TSGA10: variants seen among roughly 807,000 people sequenced by gnomAD.
TSGA10 encodes the protein testis specific 10, also known as testis-specific gene 10 protein.
Under a neutral mutation model 96.6 loss-of-function variants are expected in TSGA10, and 43 were observed. The observed-to-expected ratio is 0.44, with a 90% CI of 0.35 to 0.57. TSGA10 has a LOEUF of 0.57. Ranked by LOEUF, TSGA10 falls within the 20% of genes least tolerant of loss-of-function variation. The pLI is 0.01. For synonymous variants in TSGA10, 229 were observed against 269.9 expected (o/e 0.85, Z 1.48); for missense variants, 703 against 834.4 (o/e 0.84, Z 1.94).
chr2:99,082,397 T>C (rs868529304), intron 10 of TSGA10, among the ~76,000 whole-genome samples: 18 of 152,242 alleles, frequency 1.2e-4, no homozygotes, highest in African/African-American at 4.3e-4. Context: ...TAAACTAAGG[T>C]ATAAAGTTAA....
At position 99,020,377 on chromosome 2, in the gene TSGA10, T is replaced by C. The variant is rs1286280371; in HGVS notation, c.1720A>G (p.Asn574Asp). Residue 574 changes from asparagine to aspartate, a missense_variant, in exon 18 of 21, where the codon AAT becomes GAT. Asn to Asp is a conservative substitution (Grantham distance 23). This residue lies in a region of TSGA10 where 49 missense variants were observed against 96.4 expected (regional missense o/e 0.51). Transcript: ENST00000393483. Reference protein sequence around the residue: ...MQNLEALLVANRDKEYQSQIA... With the variant: ...MQNLEALLVADRDKEYQSQIA... ...TGAGACTGATATTCTTTGTCTCGAT[T>C]GGCCACCAGCAAAGCTTCTAGATTC... is the stretch of plus-strand genomic sequence containing the variant. 6 of 1,613,954 alleles carry C rather than the reference T, an allele frequency of 3.7e-6. No individual in the cohort carries two copies. The highest frequency in any genetic ancestry group is 3.4e-6 in the Non-Finnish European group (4 of 1,179,894).
intron 4 of TSGA10, chr2:99,117,265 T>C (rs781111243): frequency 6.6e-6 from 1 of 152,210 alleles, no homozygotes; most frequent in Non-Finnish European, 1.5e-5. Context: ...GAGAGAGGAA[T>C]TGGGAAGTGG....
rs756126241 is a variant in TSGA10, at chr2:99,065,061, C to T, written c.1282G>A (p.Glu428Lys). 4 of 1,613,658 alleles carry T rather than the reference C, an allele frequency of 2.5e-6. No individual in the cohort carries two copies. The highest frequency in any genetic ancestry group is 3.4e-6 in the Non-Finnish European group (4 of 1,179,800). ...GCCTCTGATTGACGGGCTTTATTTTCCCAGTTTTCAGCATCTTCATTGGCT... is the reference window on the plus strand; with the variant it reads ...GCCTCTGATTGACGGGCTTTATTTTTCCAGTTTTCAGCATCTTCATTGGCT... The part of the protein sequence containing the change: ...RKANEDAENW[E>K]NKARQSEADN... The change falls in exon 16 of 21, where the codon GAA becomes AAA. Residue 428 changes from glutamate (E) to lysine (K), a missense_variant. Glu to Lys is a moderately conservative substitution (Grantham distance 56). Transcript: ENST00000393483.
rs1398556094 is a variant in TSGA10 at position 98,997,533 on chromosome 2, T to TA, written c.*663dup. 1 of 152,146 alleles carries TA rather than the reference T, an allele frequency of 6.6e-6. No individual in the cohort carries two copies. The highest frequency in any genetic ancestry group is 2.4e-5 in the African/African-American group (1 of 41,444). 9.4% of individuals were successfully genotyped at this position (152,146 alleles called of 1,614,324 possible). A position where few individuals can be genotyped will look rare whatever the true frequency, so the allele number is the denominator to read the frequency against. On this transcript the variant is annotated 3_prime_UTR_variant, in exon 21 of 21. Coordinates refer to ENST00000393483, the MANE Select transcript of TSGA10 (RefSeq NM_025244.4). ...ACTTATTAAAAATAAAGATTTTTAATAAAATCTTACATTCTTGACAGATAT... is the reference window on the plus strand; with the variant it reads ...ACTTATTAAAAATAAAGATTTTTAATAAAAATCTTACATTCTTGACAGATAT...
Position 99,035,288 on chromosome 2 carries a change from T to G in TSGA10, c.1556A>C (p.Asp519Ala), listed in dbSNP as rs1199103424. ...TCGATTAAGAAGTTCTTTGCTTGAGTCAAGTTTAATACAGAGTTCCCTAGT... is the reference window on the plus strand; with the variant it reads ...TCGATTAAGAAGTTCTTTGCTTGAGGCAAGTTTAATACAGAGTTCCCTAGT... ...SSTRELCIKLDSSKELLNRQL... is the reference protein window; with the variant it reads ...SSTRELCIKLASSKELLNRQL... Residue 519 changes from aspartate to alanine, a missense_variant, in exon 17 of 21, where the codon GAC becomes GCC. By Grantham distance (126) the Asp-to-Ala change is moderately radical. Coordinates refer to ENST00000393483, the MANE Select transcript of TSGA10 (RefSeq NM_025244.4). 2.5e-6 allele frequency: 4 copies of G among 1,612,256 alleles called. No individual in the cohort carries two copies. Among genetic ancestry groups the G allele is most frequent in the Non-Finnish European group, 3.4e-6 (4 of 1,179,020 alleles).
intron 16 of TSGA10, among the ~76,000 whole-genome samples, chr2:99,037,540 A>C (rs1198999403): frequency 6.6e-6 from 1 of 152,174 alleles, no homozygotes; most frequent in East Asian, 1.9e-4. Flanking sequence ...ATATTAGAAA[A>C]GAAGGAATAT....
chr2:99,073,928 A>C (rs1258908253), intron 12 of TSGA10, among the ~76,000 whole-genome samples: 1 of 151,718 alleles, frequency 6.6e-6, no homozygotes, highest in Admixed American at 6.6e-5. Context: ...TTCAAATTTT[A>C]AGTAACTAAG....
rs374261798 is a variant in TSGA10, at chr2:99,103,986, C to T, written c.592G>A (p.Ala198Thr). The change falls in exon 10 of 21, where the codon GCA becomes ACA. Residue 198 changes from alanine (A) to threonine (T), a missense_variant. This residue lies in a region of TSGA10 where 585 missense variants were observed against 656.8 expected (regional missense o/e 0.89). Coordinates refer to ENST00000393483, the MANE Select transcript of TSGA10 (RefSeq NM_025244.4). ...DTESELGRQKAENNSLRLLYE... is the reference protein window; with the variant it reads ...DTESELGRQKTENNSLRLLYE... ...GTTTACCTCAAAGAATTATTCTCTG[C>T]TTTTTGTCTGCCAAGTTCACTTTCG... 3.7e-4 allele frequency: 594 copies of T among 1,614,014 alleles called. 4 individuals carry two copies. The South Asian group carries it at 6.3e-3, about 17-fold the overall frequency.
chr2:99,049,024 G>A (rs985973704), intron 16 of TSGA10, among the ~76,000 whole-genome samples: 11 of 152,118 alleles, frequency 7.2e-5, no homozygotes, highest in South Asian at 2.1e-4. Context: ...TCAAATTCAC[G>A]ATGAGATACC....
intron 11 of TSGA10, 40 bp from the exon 12 acceptor site, chr2:99,078,853 A>G (rs769389730): frequency 2.4e-5 from 37 of 1,542,248 alleles, no homozygotes; most frequent in Non-Finnish European, 3.0e-5. Flanking sequence ...TAATCAAAAT[A>G]AAATCTTTTT....
chr2:99,147,577 T>G lies in TSGA10; in HGVS notation c.-621+7116A>C, dbSNP rs985978011. The G allele has an allele frequency of 2.6e-6, 3 of 1,154,198 alleles. No homozygotes were observed. The African/African-American group carries it at 4.5e-5, about 17-fold the overall frequency. The allele number at this position is 1,154,198 out of a possible 1,614,324, so 71.5% of individuals were successfully genotyped here. A position where few individuals can be genotyped will look rare whatever the true frequency, so the allele number is the denominator to read the frequency against. ...TTAGATTGAAGTTTAATGTGCAAAT[T>G]GATAATTATATGTTACCATTCTTTT... On this transcript the variant is annotated intron_variant, in intron 1 of 20. Transcript: ENST00000393483.
chr2:99,034,630 T>C (rs898785032), intron 17 of TSGA10, among the ~76,000 whole-genome samples: 1 of 152,208 alleles, frequency 6.6e-6, no homozygotes, highest in African/African-American at 2.4e-5. Flanking sequence ...CTGAATGGGA[T>C]GCCTCATTCC....
intron 10 of TSGA10, among the ~76,000 whole-genome samples, chr2:99,099,179 G>A (rs965599774): frequency 3.9e-5 from 6 of 152,170 alleles, no homozygotes; most frequent in African/African-American, 1.4e-4. Context: ...GGGGGTAGTG[G>A]CGCGTGCCTG....
chr2:99,134,880 C>G (rs2093257323), intron 1 of TSGA10, among the ~76,000 whole-genome samples: 1 of 152,216 alleles, frequency 6.6e-6, no homozygotes, highest in Non-Finnish European at 1.5e-5. Context: ...TGGAGGTCCA[C>G]TCCAGACCCT....
At chr2:99,020,112 A>G (rs1168551540) in intron 18 of TSGA10, among the ~76,000 whole-genome samples, 168 bp downstream of exon 18, 1 of 152,194 alleles carries the variant, frequency 6.6e-6, no homozygotes, top group Non-Finnish European at 1.5e-5. Flanking sequence ...TTAAATTTAG[A>G]TAAGAAAAAC....
intron 17 of TSGA10, among the ~76,000 whole-genome samples, chr2:99,023,163 T>C (rs948875097): frequency 2.0e-5 from 3 of 151,974 alleles, no homozygotes; most frequent in Non-Finnish European, 4.4e-5. Flanking sequence ...CCACACCTGG[T>C]TAATTTTTGT....
At chr2:99,058,430 C>T (rs551652032) in intron 16 of TSGA10, among the ~76,000 whole-genome samples, 28 of 150,888 alleles carry the variant, frequency 1.9e-4, no homozygotes, top group African/African-American at 4.4e-4. Context: ...CATTAAAATA[C>T]GAAGAGAAAA....
chr2:98,998,583 G>A (rs2077631965), intron 20 of TSGA10, among the ~76,000 whole-genome samples: 1 of 152,170 alleles, frequency 6.6e-6, no homozygotes, highest in African/African-American at 2.4e-5. Flanking sequence ...GATGAAGAAG[G>A]TCAGGGCTAC....
intron 1 of TSGA10, chr2:99,141,114 G>GGCCC (rs1559143023): frequency 1.6e-6 from 2 of 1,284,114 alleles, no homozygotes; most frequent in South Asian, 1.2e-5. Flanking sequence ...CGGGCTCCTC[G>GGCCC]GCCCGCCGTC....
Sources: allele counts gnomAD v4.1 joint callset (sites outside exome capture counted in the v4.1 genomes callset), GRCh38; gene constraint gnomAD v4.1.1; regional missense constraint gnomAD v4.1.1; transcripts MANE v1.5; gene names NCBI Gene and HGNC (gene_info 2026-07-23, HGNC 2026-07-21).